Variants in CCSER1 observed in about 807,000 individuals in gnomAD.
The protein encoded by CCSER1 is coiled-coil serine rich protein 1, also known as serine-rich coiled-coil domain-containing protein 1.
In CCSER1, 41 loss-of-function variants were observed where a neutral mutation model predicts 82.0. That is an observed-to-expected ratio of 0.50 (90% CI 0.39 to 0.65). The LOEUF is 0.65. CCSER1 is among the 30% of genes least tolerant of loss of function. The pLI is 0.00. For synonymous variants in CCSER1, 414 were observed against 383.9 expected, an observed-to-expected ratio of 1.08 and a Z score of -0.92; for missense variants, 1,119 against 1,064.2, an observed-to-expected ratio of 1.05 and a Z score of -0.72.
intron 10 of CCSER1, among the ~76,000 whole-genome samples, chr4:91,162,465 T>C (rs6850359): frequency 0.73 from 110,936 of 152,084 alleles, 40,744 homozygotes; most frequent in Non-Finnish European, 0.78. Context: ...AGAGAGGAAT[T>C]CCTCTTTTTC....
At chr4:90,520,247 TG>T in intron 5 of CCSER1, among the ~76,000 whole-genome samples, 1 of 151,594 alleles carries the variant, frequency 6.6e-6, no homozygotes, top group Non-Finnish European at 1.5e-5. Context: ...AATTTATAAT[TG>T]TATATAACCT....
intron 9 of CCSER1, among the ~76,000 whole-genome samples, chr4:90,943,906 G>C (rs1731910294): frequency 6.7e-6 from 1 of 150,060 alleles, no homozygotes; most frequent in South Asian, 2.2e-4. Flanking sequence ...GTAAACTTTA[G>C]AAAACAAGTA....
chr4:90,211,063 C>G (rs929829018), intron 1 of CCSER1, among the ~76,000 whole-genome samples: 3 of 152,120 alleles, frequency 2.0e-5, no homozygotes, highest in Admixed American at 2.0e-4. Context: ...GTTTCATAGG[C>G]ATTTTTGTTT....
At chr4:91,158,807 A>C (rs993874596) in intron 10 of CCSER1, among the ~76,000 whole-genome samples, 1 of 152,002 alleles carries the variant, frequency 6.6e-6, no homozygotes, top group South Asian at 2.1e-4. Context: ...AATCAGGTGA[A>C]TCACACAAAA....
intron 1 of CCSER1, among the ~76,000 whole-genome samples, chr4:90,300,787 T>C (rs1388266727): frequency 1.3e-5 from 2 of 152,182 alleles, no homozygotes; most frequent in African/African-American, 2.4e-5. Context: ...AGGACTGTTT[T>C]ATGCTGTTGG....
chr4:91,544,892 C>T (rs573635266), intron 10 of CCSER1, among the ~76,000 whole-genome samples: 2 of 152,162 alleles, frequency 1.3e-5, no homozygotes, highest in African/African-American at 4.8e-5. Context: ...TTCAGCTATG[C>T]CCTGTCCCCA....
intron 3 of CCSER1, among the ~76,000 whole-genome samples, chr4:90,357,136 A>G (rs1485735725): frequency 1.3e-5 from 2 of 151,916 alleles, no homozygotes; most frequent in Non-Finnish European, 2.9e-5. Context: ...TTATTTAATT[A>G]TAGAATTTCA....
intron 5 of CCSER1, among the ~76,000 whole-genome samples, chr4:90,508,896 G>A (rs898902907): frequency 4.6e-5 from 7 of 151,926 alleles, no homozygotes; most frequent in African/African-American, 1.7e-4. Context: ...TAAATTTGGG[G>A]TATCTGATTT....
chr4:91,450,713 A>T (rs529741318), intron 10 of CCSER1, among the ~76,000 whole-genome samples: 1 of 151,976 alleles, frequency 6.6e-6, no homozygotes, highest in Non-Finnish European at 1.5e-5. Context: ...AGATGAGAGA[A>T]TTGCACAAGA....
chr4:91,603,963 A>G lies in CCSER1; in HGVS notation c.*4906A>G, dbSNP rs958870554. On this transcript the variant is annotated 3_prime_UTR_variant, in exon 11 of 11. Coordinates refer to ENST00000509176, the MANE Select transcript of CCSER1 (RefSeq NM_001145065.2). ...ACCTAATTACTTCCCAAGCGCCCCAACTTCAAGCACCATCACACTGGGGGT... is the reference window on the plus strand; with the variant it reads ...ACCTAATTACTTCCCAAGCGCCCCAGCTTCAAGCACCATCACACTGGGGGT... 2.6e-5 allele frequency: 4 copies of G among 152,002 alleles called. No homozygotes were observed. The highest frequency in any genetic ancestry group is 5.9e-5 in the Non-Finnish European group (4 of 68,014). The allele number at this position is 152,002 out of a possible 1,614,324, so 9.4% of individuals were successfully genotyped here.
chr4:90,903,097 A>G (rs982440745), intron 8 of CCSER1, among the ~76,000 whole-genome samples: 2 of 152,094 alleles, frequency 1.3e-5, no homozygotes, highest in African/African-American at 4.8e-5. Context: ...TACATTCTTG[A>G]TCATAAACAG....
intron 10 of CCSER1, among the ~76,000 whole-genome samples, chr4:91,217,928 G>A (rs1404330716): frequency 6.6e-6 from 1 of 152,230 alleles, no homozygotes; most frequent in African/African-American, 2.4e-5. Context: ...CCGCACCGGG[G>A]CTGCAGGTGG....
intron 10 of CCSER1, among the ~76,000 whole-genome samples, chr4:91,441,598 A>G (rs1303099328): frequency 1.3e-5 from 2 of 152,308 alleles, no homozygotes; most frequent in East Asian, 3.9e-4. Flanking sequence ...CCTATTCCAC[A>G]TAGTGTTGGA....
At chr4:90,263,029 C>G (rs1578820789) in intron 1 of CCSER1, among the ~76,000 whole-genome samples, 2 of 152,122 alleles carry the variant, frequency 1.3e-5, no homozygotes, top group Non-Finnish European at 1.5e-5. Context: ...AACAAGGGCC[C>G]CTTCTCCAAG....
At chr4:90,947,063 A>G (rs1732340776) in intron 9 of CCSER1, among the ~76,000 whole-genome samples, 1 of 152,188 alleles carries the variant, frequency 6.6e-6, no homozygotes, top group South Asian at 2.1e-4. Context: ...CAGATCTTAA[A>G]TTTCCACCCA....
chr4:90,699,984 A>G (rs1737734584), intron 6 of CCSER1, among the ~76,000 whole-genome samples: 1 of 150,844 alleles, frequency 6.6e-6, no homozygotes, highest in African/African-American at 2.4e-5. Flanking sequence ...CTTATGTCTC[A>G]ATCTTTTTTT....
intron 6 of CCSER1, among the ~76,000 whole-genome samples, chr4:90,685,525 G>A (rs949591847): frequency 3.3e-5 from 5 of 152,114 alleles, no homozygotes; most frequent in East Asian, 1.9e-4. Flanking sequence ...CCACCCATAG[G>A]CATTTAAAAA....
At chr4:91,168,548 C>T (rs1258027345) in intron 10 of CCSER1, among the ~76,000 whole-genome samples, 4 of 149,638 alleles carry the variant, frequency 2.7e-5, no homozygotes, top group Admixed American at 1.3e-4. Context: ...TGCCTCTGCC[C>T]GGCTGCCCAT....
chr4:90,137,673 T>C (rs1051726054), intron 1 of CCSER1, among the ~76,000 whole-genome samples: 1 of 152,238 alleles, frequency 6.6e-6, no homozygotes, highest in Admixed American at 6.5e-5. Context: ...GTTCTGGAGA[T>C]TCTCTAATCT....
Sources: gnomAD v4.1 joint callset for allele counts (sites outside exome capture counted in the v4.1 genomes callset) on GRCh38, gnomAD v4.1.1 for gene constraint, MANE v1.5 for transcripts, NCBI Gene and HGNC (gene_info 2026-07-23, HGNC 2026-07-21) for gene names.